The following KREMEN1 variants were observed in gnomAD, a reference collection of about 807,000 sequenced individuals.
The protein encoded by KREMEN1 is kremen protein 1.
Under a neutral mutation model 46.5 loss-of-function variants are expected in KREMEN1, and 30 were observed. That is an observed-to-expected ratio of 0.65 (90% CI 0.48 to 0.88). The LOEUF (loss-of-function observed/expected upper bound fraction) is 0.88. Ranked by LOEUF, KREMEN1 falls within the 40% of genes least tolerant of loss-of-function variation. KREMEN1 has a pLI of 0.00. For missense variants in KREMEN1, 533 were observed against 596.9 expected (o/e 0.89, Z 1.11); for synonymous variants, 214 against 230.6 (o/e 0.93, Z 0.65).
At chr22:29,114,606 C>G (rs928330762) in intron 3 of KREMEN1, among the ~76,000 whole-genome samples, 1 of 151,698 alleles carries the variant, frequency 6.6e-6, no homozygotes, top group African/African-American at 2.4e-5. Flanking sequence ...TCATCAGGAA[C>G]TGAAACTGCC....
intron 1 of KREMEN1, among the ~76,000 whole-genome samples, chr22:29,089,160 C>G (rs1439682232): frequency 6.6e-6 from 1 of 152,162 alleles, no homozygotes; most frequent in South Asian, 2.1e-4. Context: ...CCTTTTTCCT[C>G]AACTCCAGAC....
intron 3 of KREMEN1, among the ~76,000 whole-genome samples, chr22:29,109,583 T>C (rs1461341686): frequency 1.3e-5 from 2 of 151,976 alleles, no homozygotes; most frequent in Admixed American, 6.6e-5. Flanking sequence ...GATGAGTGTG[T>C]GGGTTGGGAT....
At chr22:29,166,188 G>A (rs954991442) in intron 9 of KREMEN1, among the ~76,000 whole-genome samples, 3 of 150,492 alleles carry the variant, frequency 2.0e-5, no homozygotes, top group African/African-American at 4.9e-5. Context: ...ATGCACACTC[G>A]CCTCCTAGTC....
At chr22:29,079,875 C>A (rs1308201851) in intron 1 of KREMEN1, among the ~76,000 whole-genome samples, 1 of 152,176 alleles carries the variant, frequency 6.6e-6, no homozygotes, top group African/African-American at 2.4e-5. Flanking sequence ...CCAATCCCAT[C>A]ACAGTATGTA....
At chr22:29,141,233 GTGTGTGTGTGTGTGTGTCTGCATGTGCA>G (rs2038755863) in intron 8 of KREMEN1, among the ~76,000 whole-genome samples, 1 of 144,496 alleles carries the variant, frequency 6.9e-6, no homozygotes, top group African/African-American at 2.9e-5. Context: ...CCTCGTGTGT[GTGTGTGTGTGTGTGTGTCTGCATGTGCA>G]TGTGTGTGTG....
rs148738725 is a variant in KREMEN1 at position 29,131,523 on chromosome 22, CAT to C, written c.632-5782_632-5781del. On this transcript the variant is annotated intron_variant, in intron 5 of 8. Coordinates refer to ENST00000400335, the MANE Select transcript of KREMEN1 (RefSeq NM_001039570.3). ...AGCAACAACTGATCTGTATTCTGTTCATATATATATATATATATATATATATA... is the reference window on the plus strand; with the variant it reads ...AGCAACAACTGATCTGTATTCTGTTCATATATATATATATATATATATATA... 5.1e-3 allele frequency among the ~76,000 whole-genome samples: 479 copies of C among 93,642 alleles called. 4 individuals are homozygous for C. Among genetic ancestry groups the C allele is most frequent in the African/African-American group, 0.014 (201 of 14,348 alleles). The allele number at this position is 93,642 out of a possible 152,430, so 61.4% of individuals were successfully genotyped here.
At chr22:29,121,320 A>G (rs376798903) in intron 3 of KREMEN1, 37 bp from the exon 4 acceptor site, 2 of 1,610,820 alleles carry the variant, frequency 1.2e-6, no homozygotes, top group Non-Finnish European at 1.7e-6. Flanking sequence ...TCACAGCCAG[A>G]TGTTGCGAAA....
chr22:29,120,977 C>T (rs1467823765), intron 3 of KREMEN1, among the ~76,000 whole-genome samples: 1 of 152,110 alleles, frequency 6.6e-6, no homozygotes, highest in Non-Finnish European at 1.5e-5. Context: ...TAATGGGCTT[C>T]TGAGAGGGCT....
intron 4 of KREMEN1, among the ~76,000 whole-genome samples, chr22:29,124,366 A>T (rs985035374): frequency 1.3e-5 from 2 of 152,234 alleles, no homozygotes; most frequent in African/African-American, 4.8e-5. Flanking sequence ...AAACTACAGT[A>T]AAGGAAAATG....
rs181112212 is a variant in KREMEN1 at position 29,115,751 on chromosome 22, G to A, written c.353-5606G>A. Among the ~76,000 whole-genome samples the A allele has an allele frequency of 1.6e-3, 249 of 152,318 alleles. 1 individual carries two copies. Among genetic ancestry groups the A allele is most frequent in the African/African-American group, 5.9e-3 (245 of 41,580 alleles). On this transcript the variant is annotated intron_variant, in intron 3 of 8. Coordinates refer to ENST00000400335, the MANE Select transcript of KREMEN1 (RefSeq NM_001039570.3). ...GGGTGGGGAGGATGGGAGGGCCATG[G>A]GGCTTCCCAGGGGAAATGATGTTCA...
At chr22:29,167,404 G>A (rs892321309) in exon 10 of KREMEN1, 8 of 392,310 alleles carry the variant, frequency 2.0e-5, no homozygotes, top group East Asian at 5.1e-5. Context: ...CCGCACAGCC[G>A]GTCAGAACTG....
intron 1 of KREMEN1, among the ~76,000 whole-genome samples, chr22:29,090,461 C>A (rs2037788536): frequency 1.3e-5 from 2 of 152,106 alleles, no homozygotes; most frequent in Non-Finnish European, 2.9e-5. Flanking sequence ...GTACAACACA[C>A]CCCTGTGACA....
intron 7 of KREMEN1, among the ~76,000 whole-genome samples, chr22:29,139,555 A>G (rs1417684084): frequency 1.3e-5 from 2 of 151,982 alleles, no homozygotes; most frequent in African/African-American, 4.8e-5. Flanking sequence ...GTGAGCTATG[A>G]TTGCACCATT....
intron 7 of KREMEN1, 93 bp from the exon 8 acceptor site, chr22:29,140,189 C>T: frequency 1.1e-6 from 1 of 933,106 alleles, no homozygotes; most frequent in Non-Finnish European, 1.7e-6. Flanking sequence ...GGGAGCCCCT[C>T]AGCCAGACTT....
chr22:29,089,777 G>A (rs976070515), intron 1 of KREMEN1, among the ~76,000 whole-genome samples: 4 of 152,162 alleles, frequency 2.6e-5, no homozygotes, highest in East Asian at 1.9e-4. Flanking sequence ...GATTAGAGGA[G>A]CAGCTTTGTA....
At position 29,144,317 on chromosome 22, in the gene KREMEN1, C is replaced by T; in HGVS notation, c.*2205C>T. The T allele has an allele frequency of 7.1e-6, 7 of 985,734 alleles. No individual in the cohort carries two copies. The highest frequency in any genetic ancestry group is 7.2e-6 in the Non-Finnish European group (6 of 830,150). The allele number at this position is 985,734 out of a possible 1,614,324, so 61.1% of individuals were successfully genotyped here. A position where few individuals can be genotyped will look rare whatever the true frequency, so the allele number is the denominator to read the frequency against. On this transcript the variant is annotated 3_prime_UTR_variant, in exon 9 of 9. Coordinates refer to ENST00000400335, the MANE Select transcript of KREMEN1 (RefSeq NM_001039570.3). ...GTCTGCAGGGAGAGGTGGCACTCGGCAGCCTGAGTTCAGGAGAGGTGCTTG... is the reference window on the plus strand; with the variant it reads ...GTCTGCAGGGAGAGGTGGCACTCGGTAGCCTGAGTTCAGGAGAGGTGCTTG...
intron 4 of KREMEN1, among the ~76,000 whole-genome samples, chr22:29,122,150 A>T (rs1640538601): frequency 1.3e-5 from 2 of 152,218 alleles, no homozygotes; most frequent in African/African-American, 4.8e-5. Context: ...ATCAGCAAAA[A>T]ATTTGAAGAG....
At chr22:29,167,406 T>C (rs190344572) in exon 10 of KREMEN1, 19 of 393,282 alleles carry the variant, frequency 4.8e-5, no homozygotes, top group Non-Finnish European at 8.1e-5. Flanking sequence ...GCACAGCCGG[T>C]CAGAACTGTG....
intron 3 of KREMEN1, among the ~76,000 whole-genome samples, chr22:29,115,638 A>G (rs2038226652): frequency 6.6e-6 from 1 of 152,206 alleles, no homozygotes; most frequent in African/African-American, 2.4e-5. Context: ...TAGAGAGACA[A>G]GTAAACAGGT....
Sources: gnomAD v4.1 joint callset for allele counts (sites outside exome capture counted in the v4.1 genomes callset) on GRCh38, gnomAD v4.1.1 for gene constraint, MANE v1.5 for transcripts, NCBI Gene and HGNC (gene_info 2026-07-23, HGNC 2026-07-21) for gene names.